NPR3: variants seen among roughly 807,000 people sequenced by gnomAD.
NPR3 encodes natriuretic peptide receptor 3.
Under a neutral mutation model 54.5 loss-of-function variants are expected in NPR3, and 34 were observed. The observed-to-expected ratio is 0.62, with a 90% CI of 0.47 to 0.83. NPR3 has a LOEUF of 0.83. Ranked by LOEUF, NPR3 falls within the 40% of genes least tolerant of loss-of-function variation. The pLI is 0.00. For missense variants in NPR3, 674 were observed against 720.8 expected (o/e 0.94, Z 0.74); for synonymous variants, 289 against 297.1 (o/e 0.97, Z 0.28).
Position 32,789,835 on chromosome 5 carries a change from G to A in NPR3, c.*3490G>A. 2.2e-6 allele frequency: 1 copy of A among 460,986 alleles called. No homozygotes were observed. Among genetic ancestry groups the A allele is most frequent in the East Asian group, 5.6e-5 (1 of 17,810 alleles). 28.6% of individuals were successfully genotyped at this position (460,986 alleles called of 1,614,324 possible). A position where few individuals can be genotyped will look rare whatever the true frequency, so the allele number is the denominator to read the frequency against. ...GGCGTCACTACCTTCTTGTAAGCCA[G>A]TATACACTGGCTATTTGTGGAAATC... On this transcript the variant is annotated 3_prime_UTR_variant, in exon 8 of 8. Transcript: ENST00000265074.
chr5:32,722,993 A>G (rs565335989), intron 1 of NPR3, among the ~76,000 whole-genome samples: 2 of 152,250 alleles, frequency 1.3e-5, no homozygotes, highest in Admixed American at 6.5e-5. Context: ...GGGGTATGAA[A>G]TGTCAGAGTC....
At chr5:32,776,517 T>C (rs1423025126) in intron 4 of NPR3, among the ~76,000 whole-genome samples, 1 of 152,244 alleles carries the variant, frequency 6.6e-6, no homozygotes, top group African/African-American at 2.4e-5. Context: ...AAAGTTCTGC[T>C]AATCTATATT....
intron 2 of NPR3, among the ~76,000 whole-genome samples, chr5:32,737,143 CAGTT>C (rs1739791209): frequency 1.3e-5 from 2 of 152,172 alleles, no homozygotes; most frequent in African/African-American, 4.8e-5. Context: ...CGTGTTCACA[CAGTT>C]AGGACCTTTC....
chr5:32,718,494 T>A (rs973117262), intron 1 of NPR3, among the ~76,000 whole-genome samples: 1 of 152,240 alleles, frequency 6.6e-6, no homozygotes, highest in Non-Finnish European at 1.5e-5. Flanking sequence ...CTTTCATTTG[T>A]TTGTGTCCTA....
chr5:32,751,858 A>G (rs546449995), intron 3 of NPR3, among the ~76,000 whole-genome samples: 1 of 152,336 alleles, frequency 6.6e-6, no homozygotes, highest in South Asian at 2.1e-4. Context: ...TTGAAAAACA[A>G]TGCTCTAATT....
intron 6 of NPR3, among the ~76,000 whole-genome samples, chr5:32,784,356 T>G (rs2112075626): frequency 6.6e-6 from 1 of 152,272 alleles, no homozygotes; most frequent in African/African-American, 2.4e-5. Flanking sequence ...ACCCAGCTGA[T>G]TTTTGTATTT....
At position 32,729,014 on chromosome 5, in the gene NPR3, GTTTT is replaced by G. The variant is rs769970888; in HGVS notation, c.892+4206_892+4209del. On this transcript the variant is annotated intron_variant, in intron 2 of 7. Transcript: ENST00000265074. ...GCTGAATAATATTGTGTGCCTGTGTGTTTTTTTTTTTTTTTGTTTTGTTTTTTTT... is the reference window on the plus strand; with the variant it reads ...GCTGAATAATATTGTGTGCCTGTGTGTTTTTTTTTTTGTTTTGTTTTTTTT... Among the ~76,000 whole-genome samples the G allele has an allele frequency of 3.5e-3, 346 of 98,516 alleles. 6 individuals are homozygous for G. The highest frequency in any genetic ancestry group is 0.016 in the Middle Eastern group (3 of 184). The allele number at this position is 98,516 out of a possible 152,430, so 64.6% of individuals were successfully genotyped here.
At chr5:32,761,667 T>A (rs893832253) in intron 3 of NPR3, among the ~76,000 whole-genome samples, 15 of 151,824 alleles carry the variant, frequency 9.9e-5, no homozygotes, top group African/African-American at 1.9e-4. Flanking sequence ...TATTTTTTTT[T>A]AATATAGCTT....
chr5:32,784,965 G>A, intron 7 of NPR3, 82 bp downstream of exon 7: 1 of 1,132,244 alleles, frequency 8.8e-7, no homozygotes, highest in Non-Finnish European at 1.3e-6. Context: ...TTTGTGATTT[G>A]TCCACATCCC....
intron 4 of NPR3, among the ~76,000 whole-genome samples, chr5:32,776,101 C>T (rs186931894): frequency 6.6e-6 from 1 of 152,278 alleles, no homozygotes; most frequent in African/African-American, 2.4e-5. Context: ...ATATTTTAAG[C>T]CTTCTGCCAG....
At chr5:32,694,443 T>A (rs1173187981) in intron 1 of NPR3, among the ~76,000 whole-genome samples, 2 of 152,250 alleles carry the variant, frequency 1.3e-5, no homozygotes, top group Non-Finnish European at 2.9e-5. Flanking sequence ...TAAAAAGAGC[T>A]GCCATTTATT....
chr5:32,725,816 T>A (rs1739109715), intron 2 of NPR3, among the ~76,000 whole-genome samples: 1 of 152,238 alleles, frequency 6.6e-6, no homozygotes, highest in African/African-American at 2.4e-5. Context: ...GAGGTACAAA[T>A]CATTTGAAAG....
chr5:32,750,859 A>G (rs1233811760), intron 3 of NPR3, among the ~76,000 whole-genome samples: 1 of 152,214 alleles, frequency 6.6e-6, no homozygotes, highest in African/African-American at 2.4e-5. Flanking sequence ...GCAACTACAG[A>G]CAAGCAAAAC....
intron 4 of NPR3, among the ~76,000 whole-genome samples, chr5:32,776,775 T>TG (rs968485483): frequency 3.9e-5 from 6 of 151,952 alleles, no homozygotes; most frequent in African/African-American, 1.5e-4. Flanking sequence ...TACATGCCAG[T>TG]GGGGGGATGA....
chr5:32,712,722 T>C (rs1738327682), intron 1 of NPR3, among the ~76,000 whole-genome samples, 177 bp downstream of exon 1: 1 of 152,216 alleles, frequency 6.6e-6, no homozygotes, highest in Admixed American at 6.5e-5. Flanking sequence ...CGACCGCCCA[T>C]CGCGGTGTAC....
chr5:32,781,608 C>T (rs1742341775), intron 5 of NPR3, among the ~76,000 whole-genome samples: 1 of 152,136 alleles, frequency 6.6e-6, no homozygotes, highest in African/African-American at 2.4e-5. Context: ...TGACCAAAAC[C>T]TCAATTACTT....
rs759677507 is a variant in NPR3 at position 32,712,481 on chromosome 5, T to C, written c.705T>C (p.Ser235=). The change falls in exon 1 of 8, where the codon AGT becomes AGC. Residue 235 remains serine (S), a synonymous_variant. Transcript: ENST00000265074. ...AGGGTTTGCACACGTCCATCTACAG[T>C]TTCGACGAGACCAAAGACTTGGATC... The part of the protein sequence containing the change: ...QEEGLHTSIY[S]FDETKDLDLE... The C allele has an allele frequency of 6.3e-7, 1 of 1,579,954 alleles. No individual in the cohort carries two copies.
At chr5:32,773,249 A>G (rs1367658743) in intron 3 of NPR3, among the ~76,000 whole-genome samples, 2 of 152,138 alleles carry the variant, frequency 1.3e-5, no homozygotes, top group Non-Finnish European at 2.9e-5. Context: ...GATTTTTTGT[A>G]CTTTTTGTAC....
At chr5:32,721,380 G>C (rs931214134) in intron 1 of NPR3, among the ~76,000 whole-genome samples, 1 of 152,222 alleles carries the variant, frequency 6.6e-6, no homozygotes, top group Non-Finnish European at 1.5e-5. Context: ...AAAGAAGGTA[G>C]GCTGGGCGTG....
Sources: allele counts gnomAD v4.1 joint callset (sites outside exome capture counted in the v4.1 genomes callset), GRCh38; gene constraint gnomAD v4.1.1; transcripts MANE v1.5; gene names NCBI Gene and HGNC (gene_info 2026-07-23, HGNC 2026-07-21).